The following GAS7 variants were observed in gnomAD, a reference collection of about 807,000 sequenced individuals.
GAS7 encodes the protein growth arrest-specific protein 7.
GAS7 carries 28 observed loss-of-function variants against 71.1 expected under a neutral mutation model. That is an observed-to-expected ratio of 0.39 (90% CI 0.29 to 0.54). The LOEUF (loss-of-function observed/expected upper bound fraction) is 0.54. Ranked by LOEUF, GAS7 falls within the 20% of genes least tolerant of loss-of-function variation. The pLI, the probability that GAS7 is intolerant of heterozygous loss-of-function variation, is 0.62. For synonymous variants in GAS7, 258 were observed against 245.8 expected (o/e 1.05, Z -0.46); for missense variants, 436 against 627.8 (o/e 0.69, Z 3.27).
Position 10,103,906 on chromosome 17 carries a change from T to C in GAS7, c.184-84009A>G, listed in dbSNP as rs1047939429. 6.6e-6 allele frequency among the ~76,000 whole-genome samples: 1 copy of C among 150,484 alleles called. No individual in the cohort carries two copies. Among genetic ancestry groups the C allele is most frequent in the East Asian group, 1.9e-4 (1 of 5,166 alleles). On this transcript the variant is annotated intron_variant, in intron 1 of 13. Transcript: ENST00000432992. This position sits in a 1 kb window ranked among gnomAD's most constrained non-coding sequence, Gnocchi z 5.5. ...CTCATCAACCCACAGCCCAAATTCA[T>C]CCTATCCTACCCACATCAGAGCCCA...
chr17:10,087,458 A>G (rs2073531568), intron 1 of GAS7, among the ~76,000 whole-genome samples: 2 of 152,240 alleles, frequency 1.3e-5, no homozygotes, highest in South Asian at 4.1e-4. Flanking sequence ...TTCCTTGTCC[A>G]CAGCAGCCAG....
At position 9,969,644 on chromosome 17, in the gene GAS7, G is replaced by A. The variant is rs369388882; in HGVS notation, c.471+33C>T. 1 of 1,301,464 alleles carries A rather than the reference G, an allele frequency of 7.7e-7. No homozygotes were observed. Among genetic ancestry groups the A allele is most frequent in the African/African-American group, 1.4e-5 (1 of 69,042 alleles). 80.6% of individuals were successfully genotyped at this position (1,301,464 alleles called of 1,614,324 possible). ...AGTTTCCTAGGCCTGCAGAAGCAGT[G>A]ACCGCTATACCTCCCTCAACAGGAC... On this transcript the variant is annotated intron_variant, in intron 4 of 13. Coordinates refer to ENST00000432992, the MANE Select transcript of GAS7 (RefSeq NM_201433.2). This position sits in a 1 kb window ranked among gnomAD's most constrained non-coding sequence, Gnocchi z 5.5.
At chr17:9,937,145 G>C (rs1344298116) in intron 8 of GAS7, among the ~76,000 whole-genome samples, 1 of 152,230 alleles carries the variant, frequency 6.6e-6, no homozygotes, top group Non-Finnish European at 1.5e-5. Context: ...TGGGGCTGCT[G>C]TGCGTGCATG....
At chr17:10,123,886 G>T (rs2073924016) in intron 1 of GAS7, among the ~76,000 whole-genome samples, 1 of 152,178 alleles carries the variant, frequency 6.6e-6, no homozygotes, top group African/African-American at 2.4e-5. Flanking sequence ...CTGGAGGGGG[G>T]CCCCGGACAG....
At chr17:10,107,376 T>G (rs982167600) in intron 1 of GAS7, among the ~76,000 whole-genome samples, 2 of 83,562 alleles carry the variant, frequency 2.4e-5, no homozygotes, top group African/African-American at 1.0e-4. Context: ...ACACAGGGTT[T>G]TATCAGCTGG....
intron 2 of GAS7, among the ~76,000 whole-genome samples, chr17:10,005,121 G>A (rs145187139): frequency 2.9e-4 from 34 of 115,616 alleles, no homozygotes; most frequent in East Asian, 2.3e-3. Context: ...GCGTGTGCAC[G>A]CATACCAGCA....
chr17:10,047,045 TGAGCA>T (rs1004965981), intron 1 of GAS7, among the ~76,000 whole-genome samples: 30 of 152,174 alleles, frequency 2.0e-4, no homozygotes, highest in Non-Finnish European at 3.8e-4. Context: ...ACCTGAACAC[TGAGCA>T]GCCAGCCCTC....
intron 5 of GAS7, among the ~76,000 whole-genome samples, chr17:9,957,579 C>T (rs1225407228): frequency 6.7e-6 from 1 of 149,572 alleles, no homozygotes; most frequent in African/African-American, 2.4e-5. Context: ...TCCGACCTCC[C>T]CCCCTTTCTC....
At chr17:9,976,387 C>T (rs942099099) in intron 3 of GAS7, among the ~76,000 whole-genome samples, 14 of 152,246 alleles carry the variant, frequency 9.2e-5, no homozygotes, top group African/African-American at 3.4e-4. Context: ...GGGGAAGCTG[C>T]TTTGAACCTG....
intron 1 of GAS7, among the ~76,000 whole-genome samples, chr17:10,109,124 T>C (rs1488486215): frequency 6.6e-6 from 1 of 151,276 alleles, no homozygotes; most frequent in African/African-American, 2.4e-5. Flanking sequence ...GCAAAAAAAA[T>C]TTAAAAAAAT....
intron 1 of GAS7, among the ~76,000 whole-genome samples, chr17:10,057,063 C>T (rs145375631): frequency 0.023 from 3,533 of 152,266 alleles, 127 homozygotes; most frequent in African/African-American, 0.079. Flanking sequence ...CCCGAGGTGC[C>T]GTGATTGCAG....
At chr17:10,154,367 G>A (rs562735325) in intron 1 of GAS7, among the ~76,000 whole-genome samples, 1 of 151,990 alleles carries the variant, frequency 6.6e-6, no homozygotes, top group South Asian at 2.1e-4. Context: ...AGCCAGGCAT[G>A]GTAGCAAACA....
At chr17:10,127,296 C>CT (rs1270279362) in intron 1 of GAS7, among the ~76,000 whole-genome samples, 1 of 152,146 alleles carries the variant, frequency 6.6e-6, no homozygotes, top group Non-Finnish European at 1.5e-5. Flanking sequence ...AGGGGAACGC[C>CT]TGGTTTCCAG....
intron 1 of GAS7, among the ~76,000 whole-genome samples, chr17:10,141,568 C>T (rs1172080524): frequency 6.6e-6 from 1 of 152,148 alleles, no homozygotes; most frequent in Admixed American, 6.5e-5. Flanking sequence ...CCACAGAGCC[C>T]GGCTCCAAAG....
intron 1 of GAS7, among the ~76,000 whole-genome samples, chr17:10,111,227 C>A (rs1403320162): frequency 6.6e-6 from 1 of 152,064 alleles, no homozygotes; most frequent in Non-Finnish European, 1.5e-5. Context: ...ATGGTGAAAC[C>A]CCGTCTCTAC....
chr17:10,122,485 G>A (rs11652852), intron 1 of GAS7, among the ~76,000 whole-genome samples: 43,182 of 152,072 alleles, frequency 0.28, 6,462 homozygotes, highest in East Asian at 0.56. Context: ...CCTGGGACCC[G>A]ACTCAACAAC....
rs34829725 is a variant in GAS7 at position 10,180,331 on chromosome 17, C to CAAAAA, written c.183+17872_183+17876dup. On this transcript the variant is annotated intron_variant, in intron 1 of 13. Transcript: ENST00000432992. ...GGAGGGACAGAGCAAAACTCTGCCT[C>CAAAAA]AAAAAAAAAAAAAAAAAGCTATGGA... Among the ~76,000 whole-genome samples the CAAAAA allele has an allele frequency of 2.4e-3, 233 of 96,420 alleles. 8 individuals carry two copies. The East Asian group carries it at 0.032, about 13-fold the overall frequency. 63.3% of individuals were successfully genotyped at this position (96,420 alleles called of 152,430 possible).
At chr17:10,059,815 G>A (rs957884580) in intron 1 of GAS7, 1 of 984,866 alleles carries the variant, frequency 1.0e-6, no homozygotes, top group Non-Finnish European at 1.2e-6. Flanking sequence ...TTTATATATA[G>A]AAAGTTGCAG....
chr17:10,043,825 T>C (rs1209459522), intron 1 of GAS7, among the ~76,000 whole-genome samples: 1 of 152,154 alleles, frequency 6.6e-6, no homozygotes, highest in African/African-American at 2.4e-5. Context: ...ACCCAGCTAC[T>C]AGGCAGACTG....
Sources: allele counts gnomAD v4.1 joint callset (sites outside exome capture counted in the v4.1 genomes callset), GRCh38; gene constraint gnomAD v4.1.1; non-coding constraint Gnocchi (gnomAD v3.1); transcripts MANE v1.5; gene names NCBI Gene and HGNC (gene_info 2026-07-23, HGNC 2026-07-21).